WWOX: variants seen among roughly 807,000 people sequenced by gnomAD.
WWOX encodes the protein WW domain containing oxidoreductase.
In WWOX, 69 loss-of-function variants were observed where a neutral mutation model predicts 46.2. That is an observed-to-expected ratio of 1.49 (90% CI 1.23 to 1.82). The LOEUF (loss-of-function observed/expected upper bound fraction) is 1.82. Ranked by LOEUF, WWOX falls within the 40% of genes most tolerant of loss-of-function variation. WWOX has a pLI of 0.00. For synonymous variants in WWOX, 359 were observed against 202.6 expected, an observed-to-expected ratio of 1.77 and a Z score of -6.56; for missense variants, 919 against 542.6, an observed-to-expected ratio of 1.69 and a Z score of -6.89.
chr16:79,034,305 G>C (rs1297468115), intron 8 of WWOX, among the ~76,000 whole-genome samples: 1 of 152,184 alleles, frequency 6.6e-6, no homozygotes. Context: ...TATTAGTAAT[G>C]TCAATAACTT....
Position 78,164,174 on chromosome 16 carries a change from A to G in WWOX, c.410-9A>G. The G allele has an allele frequency of 6.2e-7, 1 of 1,612,808 alleles. No homozygotes were observed. ...TGTTTTCTAACATTGACTTTCCTTTAAACCATAGGGTTCGAAACCGCCAAG... is the reference window on the plus strand; with the variant it reads ...TGTTTTCTAACATTGACTTTCCTTTGAACCATAGGGTTCGAAACCGCCAAG... On this transcript the variant is annotated splice_polypyrimidine_tract_variant and intron_variant, in intron 4 of 8. Transcript: ENST00000566780.
chr16:78,502,545 G>A (rs949135676), intron 8 of WWOX, among the ~76,000 whole-genome samples: 8 of 152,176 alleles, frequency 5.3e-5, no homozygotes, highest in Admixed American at 2.6e-4. Flanking sequence ...TAAGTAATAC[G>A]CCATTGTATG....
intron 8 of WWOX, among the ~76,000 whole-genome samples, chr16:78,592,396 G>T (rs954588814): frequency 6.6e-6 from 1 of 152,160 alleles, no homozygotes; most frequent in Non-Finnish European, 1.5e-5. Context: ...AGAAGTTCCT[G>T]TATTAAATTA....
At chr16:78,583,070 A>T (rs552263632) in intron 8 of WWOX, among the ~76,000 whole-genome samples, 83 of 152,334 alleles carry the variant, frequency 5.4e-4, no homozygotes, top group African/African-American at 2.0e-3. Context: ...CCCTTCTCCG[A>T]GCAGAGCTCT....
chr16:79,097,126 G>C (rs995176263), intron 8 of WWOX, among the ~76,000 whole-genome samples: 1 of 151,812 alleles, frequency 6.6e-6, no homozygotes, highest in Non-Finnish European at 1.5e-5. Flanking sequence ...GTAGGTACTC[G>C]TTATGGACAG....
At chr16:79,114,588 G>C (rs991156103) in intron 8 of WWOX, among the ~76,000 whole-genome samples, 2 of 151,992 alleles carry the variant, frequency 1.3e-5, no homozygotes, top group Admixed American at 1.3e-4. Context: ...AGAGCCTTCG[G>C]AGGGAGCGCA....
intron 8 of WWOX, among the ~76,000 whole-genome samples, chr16:78,460,493 A>C (rs1567586356): frequency 6.6e-6 from 1 of 152,108 alleles, no homozygotes; most frequent in Admixed American, 6.5e-5. Context: ...CTGAATACTC[A>C]AGCTTCCAGT....
intron 8 of WWOX, among the ~76,000 whole-genome samples, chr16:78,953,652 G>A (rs1367297226): frequency 6.6e-6 from 1 of 152,078 alleles, no homozygotes; most frequent in East Asian, 1.9e-4. Flanking sequence ...ACCTCTTATT[G>A]AGGTCCACCT....
At chr16:78,626,291 C>A (rs1040087717) in intron 8 of WWOX, among the ~76,000 whole-genome samples, 2 of 152,110 alleles carry the variant, frequency 1.3e-5, no homozygotes, top group Non-Finnish European at 1.5e-5. Context: ...CCACCACGCT[C>A]AGCTAATTTT....
chr16:78,651,677 A>G (rs1021601160), intron 8 of WWOX, among the ~76,000 whole-genome samples: 15 of 152,120 alleles, frequency 9.9e-5, no homozygotes, highest in African/African-American at 3.1e-4. Flanking sequence ...CCCTTCTCCC[A>G]CCTGTGCAGG....
chr16:78,221,736 T>A (rs1212490712), intron 5 of WWOX, among the ~76,000 whole-genome samples: 2 of 152,232 alleles, frequency 1.3e-5, no homozygotes, highest in African/African-American at 4.8e-5. Context: ...TGGAGTGATG[T>A]GTGATTATTA....
At chr16:78,146,489 C>T (rs2034202126) in intron 4 of WWOX, among the ~76,000 whole-genome samples, 1 of 152,180 alleles carries the variant, frequency 6.6e-6, no homozygotes, top group Non-Finnish European at 1.5e-5. Flanking sequence ...GCTGGAAGCT[C>T]CTCCGTGCAT....
intron 8 of WWOX, among the ~76,000 whole-genome samples, chr16:78,799,163 A>T (rs1214706826): frequency 6.6e-6 from 1 of 152,090 alleles, no homozygotes; most frequent in African/African-American, 2.4e-5. Flanking sequence ...CTATTATGTG[A>T]AGTTAGGAAA....
At chr16:78,156,096 A>C (rs2034587384) in intron 4 of WWOX, among the ~76,000 whole-genome samples, 1 of 152,230 alleles carries the variant, frequency 6.6e-6, no homozygotes, top group Non-Finnish European at 1.5e-5. Flanking sequence ...AGATAAAGGA[A>C]GATGTAAGAA....
At chr16:78,484,231 G>C (rs947922244) in intron 8 of WWOX, among the ~76,000 whole-genome samples, 1 of 151,756 alleles carries the variant, frequency 6.6e-6, no homozygotes, top group Non-Finnish European at 1.5e-5. Context: ...TAATACTTTT[G>C]TACCTTTCTC....
chr16:79,059,275 A>C (rs926818575), intron 8 of WWOX, among the ~76,000 whole-genome samples: 1 of 152,166 alleles, frequency 6.6e-6, no homozygotes, highest in Non-Finnish European at 1.5e-5. Flanking sequence ...ACAGCGTAAA[A>C]GACACCCTCA....
intron 8 of WWOX, among the ~76,000 whole-genome samples, chr16:79,050,042 G>C (rs16949415): frequency 0.026 from 3,898 of 152,076 alleles, 180 homozygotes; most frequent in African/African-American, 0.089. Flanking sequence ...GGAATGGGAG[G>C]AGTTTAAACA....
intron 8 of WWOX, among the ~76,000 whole-genome samples, chr16:78,498,939 A>G (rs1268510977): frequency 2.6e-5 from 4 of 152,212 alleles, no homozygotes; most frequent in Non-Finnish European, 5.9e-5. Context: ...GATAAGCACA[A>G]TAATGATTGT....
intron 8 of WWOX, among the ~76,000 whole-genome samples, chr16:78,963,368 C>G (rs1047229054): frequency 6.6e-6 from 1 of 152,116 alleles, no homozygotes; most frequent in African/African-American, 2.4e-5. Context: ...ACTTGGGCAG[C>G]TGAGGCAGGA....
Sources: gnomAD v4.1 joint callset for allele counts (sites outside exome capture counted in the v4.1 genomes callset) on GRCh38, gnomAD v4.1.1 for gene constraint, MANE v1.5 for transcripts, NCBI Gene and HGNC (gene_info 2026-07-23, HGNC 2026-07-21) for gene names.